ADGRL3: variants seen among roughly 807,000 people sequenced by gnomAD.
The protein encoded by ADGRL3 is adhesion G protein-coupled receptor L3.
In ADGRL3, 62 loss-of-function variants were observed where a neutral mutation model predicts 153.5. The ratio of observed to expected loss-of-function variants is 0.40; its 90% CI spans 0.33 to 0.50. The LOEUF (loss-of-function observed/expected upper bound fraction) is 0.50. ADGRL3 is among the 20% of genes least tolerant of loss of function. ADGRL3 has a pLI of 0.47. For synonymous variants in ADGRL3, 710 were observed against 672.5 expected, an observed-to-expected ratio of 1.06 and a Z score of -0.86; for missense variants, 1,641 against 1,859.4, an observed-to-expected ratio of 0.88 and a Z score of 2.16.
intron 1 of ADGRL3, among the ~76,000 whole-genome samples, chr4:61,264,833 T>C (rs1307475922): frequency 6.6e-6 from 1 of 151,948 alleles, no homozygotes; most frequent in Admixed American, 6.6e-5. Context: ...GTATACATTA[T>C]GCTTGGGAAA....
intron 1 of ADGRL3, among the ~76,000 whole-genome samples, chr4:61,210,880 T>C (rs1739682715): frequency 1.3e-5 from 2 of 152,186 alleles, no homozygotes; most frequent in Non-Finnish European, 1.5e-5. Context: ...TCGGTTGATG[T>C]TGTCTAAGGA....
intron 8 of ADGRL3, among the ~76,000 whole-genome samples, chr4:61,797,820 G>A (rs2097433290): frequency 6.6e-6 from 1 of 152,106 alleles, no homozygotes; most frequent in Admixed American, 6.5e-5. Context: ...TTCAACTTGT[G>A]TATCAGGATC....
At chr4:61,776,147 G>T (rs1443313351) in intron 8 of ADGRL3, among the ~76,000 whole-genome samples, 1 of 151,984 alleles carries the variant, frequency 6.6e-6, no homozygotes, top group Non-Finnish European at 1.5e-5. Flanking sequence ...TGATCCACCC[G>T]CCTCGGCCTC....
intron 8 of ADGRL3, among the ~76,000 whole-genome samples, chr4:61,749,432 G>T (rs956230221): frequency 3.9e-5 from 6 of 152,016 alleles, no homozygotes; most frequent in African/African-American, 7.3e-5. Context: ...GTGGCACTAT[G>T]CACAATAGCA....
At chr4:61,228,114 G>A (rs1302790720) in intron 1 of ADGRL3, among the ~76,000 whole-genome samples, 1 of 152,036 alleles carries the variant, frequency 6.6e-6, no homozygotes, top group Non-Finnish European at 1.5e-5. Flanking sequence ...TAATGTAGGA[G>A]TTTTTTAAAA....
chr4:61,538,822 G>T (rs1288126906), intron 4 of ADGRL3, among the ~76,000 whole-genome samples: 1 of 152,156 alleles, frequency 6.6e-6, no homozygotes, highest in Non-Finnish European at 1.5e-5. Context: ...ATCTGACAAT[G>T]AATGGAAGCC....
chr4:61,212,164 A>T (rs542784024), intron 1 of ADGRL3: 2 of 152,356 alleles, frequency 1.3e-5, no homozygotes, highest in East Asian at 3.9e-4. Context: ...AAGTTATGCC[A>T]GAAGAAACTG....
intron 4 of ADGRL3, among the ~76,000 whole-genome samples, chr4:61,525,665 T>C (rs1215400629): frequency 6.6e-6 from 1 of 151,924 alleles, no homozygotes; most frequent in Non-Finnish European, 1.5e-5. Flanking sequence ...GAGATAGCAA[T>C]GGGGATGGAA....
rs568906831 is a variant in ADGRL3, at chr4:61,355,990, C to T, written c.-239-27134C>T. Among the ~76,000 whole-genome samples, 18 of 151,908 alleles carry T rather than the reference C, an allele frequency of 1.2e-4. No homozygotes were observed. The East Asian group carries it at 2.5e-3, about 21-fold the overall frequency. ...TTTAATAATTTATAATGTATTTGAT[C>T]CATATACGGTAGGGATGCCATTTCT... On this transcript the variant is annotated intron_variant, in intron 1 of 26. Transcript: ENST00000683033.
chr4:61,304,829 G>A (rs933466073), intron 1 of ADGRL3, among the ~76,000 whole-genome samples: 1 of 152,140 alleles, frequency 6.6e-6, no homozygotes, highest in Non-Finnish European at 1.5e-5. Flanking sequence ...AAATCCCAGA[G>A]CAGCATGGAC....
chr4:61,686,231 T>C (rs2095440045), intron 6 of ADGRL3, among the ~76,000 whole-genome samples: 1 of 152,092 alleles, frequency 6.6e-6, no homozygotes, highest in Non-Finnish European at 1.5e-5. Flanking sequence ...GTTTTAAAAA[T>C]ATACCGCATA....
intron 25 of ADGRL3, among the ~76,000 whole-genome samples, chr4:62,049,914 G>A (rs1354953811): frequency 1.3e-5 from 2 of 152,072 alleles, no homozygotes; most frequent in Non-Finnish European, 1.5e-5. Flanking sequence ...ATATTAATAT[G>A]TAAATTGCTT....
At chr4:61,792,501 T>A (rs916904492) in intron 8 of ADGRL3, among the ~76,000 whole-genome samples, 3 of 111,852 alleles carry the variant, frequency 2.7e-5, no homozygotes, top group African/African-American at 7.0e-5. Flanking sequence ...TTATTATTTT[T>A]TTTTTTTGAG....
At chr4:61,556,844 C>T (rs1410228369) in intron 4 of ADGRL3, among the ~76,000 whole-genome samples, 3 of 152,120 alleles carry the variant, frequency 2.0e-5, no homozygotes, top group Non-Finnish European at 4.4e-5. Context: ...TGCTCACCTC[C>T]AGTTTTTACA....
At chr4:61,747,606 C>T (rs1244557017) in intron 8 of ADGRL3, among the ~76,000 whole-genome samples, 3 of 145,984 alleles carry the variant, frequency 2.1e-5, no homozygotes, top group Non-Finnish European at 4.5e-5. Flanking sequence ...AAGACAAAAA[C>T]CACATGATTA....
intron 5 of ADGRL3, among the ~76,000 whole-genome samples, chr4:61,632,487 G>A (rs1465670810): frequency 6.6e-6 from 1 of 152,022 alleles, no homozygotes; most frequent in Admixed American, 6.6e-5. Flanking sequence ...CCCCTGCCTG[G>A]AAGCTTAGGA....
At chr4:62,064,666 GGTT>G (rs1055494802) in intron 25 of ADGRL3, among the ~76,000 whole-genome samples, 1 of 151,280 alleles carries the variant, frequency 6.6e-6, no homozygotes, top group African/African-American at 2.4e-5. Flanking sequence ...GGAAATCTTT[GGTT>G]GTTTTTTTTT....
intron 5 of ADGRL3, among the ~76,000 whole-genome samples, chr4:61,590,375 GT>G (rs1310395033): frequency 1.3e-5 from 2 of 151,842 alleles, no homozygotes; most frequent in South Asian, 2.1e-4. Flanking sequence ...ATTTTAGAGA[GT>G]TTTTTAAAAA....
At chr4:61,333,150 T>C (rs1427944032) in intron 1 of ADGRL3, among the ~76,000 whole-genome samples, 1 of 151,042 alleles carries the variant, frequency 6.6e-6, no homozygotes, top group Non-Finnish European at 1.5e-5. Flanking sequence ...TTTATTTTCT[T>C]TGGGCTCTTT....
Sources: gnomAD v4.1 joint callset for allele counts (sites outside exome capture counted in the v4.1 genomes callset) on GRCh38, gnomAD v4.1.1 for gene constraint, MANE v1.5 for transcripts, NCBI Gene and HGNC (gene_info 2026-07-23, HGNC 2026-07-21) for gene names.